Variants in PCDHGB4 observed in about 807,000 individuals in gnomAD.
PCDHGB4 encodes protocadherin gamma-B4.
In PCDHGB4, 38 loss-of-function variants were observed where a neutral mutation model predicts 60.5. The observed-to-expected ratio is 0.63, with a 90% confidence interval of 0.48 to 0.82. PCDHGB4 has a LOEUF of 0.82. PCDHGB4 is among the 40% of genes least tolerant of loss of function. The pLI is 0.00. For missense variants in PCDHGB4, 1,109 were observed against 1,209.6 expected (o/e 0.92, Z 1.23); for synonymous variants, 456 against 509.7 (o/e 0.89, Z 1.42).
chr5:141,482,363 G>C (rs2099556985), intron 1 of PCDHGB4, among the ~76,000 whole-genome samples: 1 of 152,086 alleles, frequency 6.6e-6, no homozygotes, highest in African/African-American at 2.4e-5. Flanking sequence ...AGAGTGAAAA[G>C]TAATGCATAT....
At chr5:141,415,695 T>C (rs1284418994) in intron 1 of PCDHGB4, 1 of 1,537,350 alleles carries the variant, frequency 6.5e-7, no homozygotes, top group South Asian at 1.2e-5. Context: ...TGGTGGAAAG[T>C]GTAAATGCTA....
chr5:141,413,298 G>A (rs1672233901), intron 1 of PCDHGB4: 3 of 1,613,950 alleles, frequency 1.9e-6, no homozygotes, highest in Non-Finnish European at 2.5e-6. Context: ...CAATTCCTGA[G>A]GAATTAGAGA....
intron 1 of PCDHGB4, among the ~76,000 whole-genome samples, chr5:141,464,402 G>T (rs900750443): frequency 6.6e-6 from 1 of 150,722 alleles, no homozygotes; most frequent in African/African-American, 2.4e-5. Context: ...AAGAACCTGA[G>T]ATATATATAT....
At chr5:141,422,665 C>T in intron 1 of PCDHGB4, 2 of 1,608,390 alleles carry the variant, frequency 1.2e-6, no homozygotes, top group Non-Finnish European at 8.5e-7. Context: ...CGCCCTCGAC[C>T]CGGACAGCAA....
rs2094486958 is a variant in PCDHGB4, at chr5:141,404,117, A to C, written c.2397+13836A>C. 3 of 1,613,468 alleles carry C rather than the reference A, an allele frequency of 1.9e-6. No homozygotes were observed. Among genetic ancestry groups the C allele is most frequent in the Non-Finnish European group, 1.7e-6 (2 of 1,179,548 alleles). On this transcript the variant is annotated intron_variant, in intron 1 of 3. Coordinates refer to ENST00000519479, the MANE Select transcript of PCDHGB4 (RefSeq NM_003736.4). ...TCAAGTTGTCTGTTCTATCCAGGAG[A>C]ATCTATCTTTTACATTAGAAAATTC...
rs1191643556 is a variant in PCDHGB4 at position 141,486,302 on chromosome 5, C to A, written c.2398-8505C>A. On this transcript the variant is annotated intron_variant, in intron 1 of 3. Transcript: ENST00000519479. The surrounding 1 kb of genome is among the most constrained non-coding windows in gnomAD (Gnocchi z 5.0). ...GGTGGCACTTATCAGTGTGCAGGAT[C>A]CAGACTCAGGGTCAAACGGAGATGT... The A allele has an allele frequency of 6.2e-7, 1 of 1,614,036 alleles. No individual in the cohort carries two copies. The highest frequency in any genetic ancestry group is 8.5e-7 in the Non-Finnish European group (1 of 1,179,994).
intron 1 of PCDHGB4, among the ~76,000 whole-genome samples, chr5:141,460,987 ATATATATATGTG>A (rs2099005819): frequency 1.1e-5 from 1 of 92,944 alleles, no homozygotes; most frequent in Admixed American, 9.9e-5. Flanking sequence ...GTGTGTGTAT[ATATATATATGTG>A]TATATATATA....
At chr5:141,456,020 C>A (rs2098840631) in intron 1 of PCDHGB4, among the ~76,000 whole-genome samples, 2 of 151,952 alleles carry the variant, frequency 1.3e-5, no homozygotes, top group South Asian at 4.2e-4. Flanking sequence ...GCCTCAGCCT[C>A]CCGAGTAGCT....
chr5:141,448,956 C>A (rs2098619571), intron 1 of PCDHGB4, among the ~76,000 whole-genome samples: 1 of 151,948 alleles, frequency 6.6e-6, no homozygotes, highest in Non-Finnish European at 1.5e-5. Context: ...AAAAAACAAA[C>A]AAACAAACAA....
rs1451071413 is a variant in PCDHGB4, at chr5:141,415,742, T to G, written c.2397+25461T>G. 19 of 216,608 alleles carry G rather than the reference T, an allele frequency of 8.8e-5. 1 individual carries two copies. In the Admixed American group the frequency reaches 4.5e-3, roughly 51 times the overall value. 13.4% of individuals were successfully genotyped at this position (216,608 alleles called of 1,614,324 possible). ...AGTAGAATTTGATGTTTATTAAGGT[T>G]TTTTTTTTTTTTTTTTTTTTTTTTT... On this transcript the variant is annotated intron_variant, in intron 1 of 3. Transcript: ENST00000519479.
At chr5:141,417,030 T>G (rs1460954160) in intron 1 of PCDHGB4, 1 of 86,454 alleles carries the variant, frequency 1.2e-5, no homozygotes, top group East Asian at 2.9e-4. Flanking sequence ...AAATACAGGT[T>G]TTTTTTTTAA....
At chr5:141,400,524 G>A (rs958686867) in intron 1 of PCDHGB4, 1 of 1,613,802 alleles carries the variant, frequency 6.2e-7, no homozygotes, top group Non-Finnish European at 8.5e-7. Context: ...ATCCTGAGTT[G>A]GTGAGTTTCA....
intron 1 of PCDHGB4, chr5:141,421,995 C>G (rs750731453): frequency 6.2e-7 from 1 of 1,608,844 alleles, no homozygotes; most frequent in South Asian, 1.1e-5. Context: ...CAGAAAACAT[C>G]AGCTCCGGAA....
intron 1 of PCDHGB4, chr5:141,413,946 G>A: frequency 6.2e-7 from 1 of 1,613,414 alleles, no homozygotes; most frequent in Non-Finnish European, 8.5e-7. Flanking sequence ...GTGTTCCTGA[G>A]AATTTGCCTG....
chr5:141,506,228 A>T (rs538354130), intron 3 of PCDHGB4, among the ~76,000 whole-genome samples: 1 of 152,266 alleles, frequency 6.6e-6, no homozygotes, highest in East Asian at 1.9e-4. Context: ...AGGCAGGAGG[A>T]TCATGAGGTC....
intron 1 of PCDHGB4, chr5:141,492,079 G>A (rs1400390407): frequency 4.1e-6 from 2 of 486,168 alleles, no homozygotes; most frequent in African/African-American, 2.0e-5. Context: ...CGCCGGCTCC[G>A]GCACGCTTCG....
At chr5:141,469,468 G>A (rs62379200) in intron 1 of PCDHGB4, among the ~76,000 whole-genome samples, 32,669 of 151,998 alleles carry the variant, frequency 0.21, 3,638 homozygotes, top group African/African-American at 0.27. Context: ...TCAGCTACTC[G>A]GGAGGCTGAG....
chr5:141,432,421 C>T lies in PCDHGB4; in HGVS notation c.2397+42140C>T, dbSNP rs771647620. 10 of 1,614,126 alleles carry T rather than the reference C, an allele frequency of 6.2e-6. No homozygotes were observed. In the African/African-American group the frequency reaches 1.2e-4, roughly 19 times the overall value. ...TGTCGTTGAGCCTGTTCGTGCTGGA[C>T]CAGAACGACAATGCGCCCGAGATCC... On this transcript the variant is annotated intron_variant, in intron 1 of 3. Transcript: ENST00000519479. This position sits in a 1 kb window ranked among gnomAD's most constrained non-coding sequence, Gnocchi z 6.0.
In PCDHGB4 at chr5:141,491,848, C is replaced by A; in HGVS notation, c.2398-2959C>A. 1 of 1,461,478 alleles carries A rather than the reference C, an allele frequency of 6.8e-7. No homozygotes were observed. Among genetic ancestry groups the A allele is most frequent in the Non-Finnish European group, 9.1e-7 (1 of 1,104,578 alleles). The allele number at this position is 1,461,478 out of a possible 1,614,324, so 90.5% of individuals were successfully genotyped here. A position where few individuals can be genotyped will look rare whatever the true frequency, so the allele number is the denominator to read the frequency against. On this transcript the variant is annotated intron_variant, in intron 1 of 3. Transcript: ENST00000519479. This position sits in a 1 kb window ranked among gnomAD's most constrained non-coding sequence, Gnocchi z 6.9. ...CACCCGATTCTCGGGATCATTGGAC[C>A]GTTTGCGCGAAACCAGAGTGGCCGA...
Sources: allele counts gnomAD v4.1 joint callset (sites outside exome capture counted in the v4.1 genomes callset), GRCh38; gene constraint gnomAD v4.1.1; non-coding constraint Gnocchi (gnomAD v3.1); transcripts MANE v1.5; gene names NCBI Gene and HGNC (gene_info 2026-07-23, HGNC 2026-07-21).